Variants in PDE4D observed in about 807,000 individuals in gnomAD.
PDE4D encodes the protein 3',5'-cyclic-AMP phosphodiesterase 4D.
PDE4D carries 24 observed loss-of-function variants against 87.4 expected under a neutral mutation model. That is an observed-to-expected ratio of 0.27 (90% CI 0.20 to 0.39). The LOEUF (loss-of-function observed/expected upper bound fraction) is 0.39. PDE4D is among the 10% of genes least tolerant of loss of function. PDE4D has a pLI of 1.00. For synonymous variants in PDE4D, 384 were observed against 383.2 expected, an observed-to-expected ratio of 1.00 and a Z score of -0.02; for missense variants, 714 against 1,041.0, an observed-to-expected ratio of 0.69 and a Z score of 4.32.
At chr5:59,008,070 CTATTTAGT>C in intron 6 of PDE4D, among the ~76,000 whole-genome samples, 1 of 152,148 alleles carries the variant, frequency 6.6e-6, no homozygotes, top group African/African-American at 2.4e-5. Flanking sequence ...TTTTGTATAA[CTATTTAGT>C]CAATTTACCT....
intron 5 of PDE4D, among the ~76,000 whole-genome samples, chr5:59,055,047 A>G (rs1762138334): frequency 6.6e-6 from 1 of 152,228 alleles, no homozygotes; most frequent in Non-Finnish European, 1.5e-5. Flanking sequence ...TACCAACAGA[A>G]CACATAAAGC....
chr5:59,091,160 G>A, intron 5 of PDE4D: 1 of 451,212 alleles, frequency 2.2e-6, no homozygotes, highest in Non-Finnish European at 4.4e-6. Flanking sequence ...AAATCCAAGT[G>A]TTTTTTATTA....
At chr5:59,225,076 C>T (rs187190691) in intron 1 of PDE4D, among the ~76,000 whole-genome samples, 87 of 152,304 alleles carry the variant, frequency 5.7e-4, no homozygotes, top group African/African-American at 2.0e-3. Context: ...GAAAGCATCT[C>T]AAATTATTGC....
intron 5 of PDE4D, among the ~76,000 whole-genome samples, chr5:59,131,442 C>T (rs1283308308): frequency 6.6e-6 from 1 of 152,126 alleles, no homozygotes; most frequent in East Asian, 1.9e-4. Context: ...CTGTGTTTCG[C>T]ACTGCAAGTC....
intron 1 of PDE4D, among the ~76,000 whole-genome samples, chr5:59,705,872 A>G (rs1205513569): frequency 6.6e-6 from 1 of 152,174 alleles, no homozygotes; most frequent in Non-Finnish European, 1.5e-5. Flanking sequence ...GTGGTGGATT[A>G]TAGCACAATG....
intron 1 of PDE4D, among the ~76,000 whole-genome samples, chr5:60,474,127 TATATATATATATATATATATATAACA>T (rs926496539): frequency 4.1e-5 from 4 of 98,520 alleles, no homozygotes; most frequent in African/African-American, 2.3e-4. Flanking sequence ...TATATATATA[TATATATATATATATATATATATAACA>T]AAAACCTTAG....
chr5:59,154,311 G>A (rs891412062), intron 5 of PDE4D, among the ~76,000 whole-genome samples: 7 of 152,148 alleles, frequency 4.6e-5, no homozygotes, highest in African/African-American at 1.7e-4. Context: ...ATGGCAAAAT[G>A]TCTGTGTGTG....
intron 1 of PDE4D, among the ~76,000 whole-genome samples, chr5:59,525,149 G>A (rs748316710): frequency 2.0e-5 from 3 of 152,172 alleles, no homozygotes; most frequent in South Asian, 2.1e-4. Flanking sequence ...CTTGCACTGC[G>A]CACCTGGAAA....
chr5:60,352,112 T>A (rs1759254474), intron 1 of PDE4D, among the ~76,000 whole-genome samples: 1 of 152,042 alleles, frequency 6.6e-6, no homozygotes. Context: ...GCCTTTTTTA[T>A]CTTTTTAAAC....
intron 1 of PDE4D, among the ~76,000 whole-genome samples, chr5:60,382,595 A>C (rs1211212716): frequency 1.3e-5 from 2 of 152,134 alleles, no homozygotes; most frequent in African/African-American, 4.8e-5. Flanking sequence ...TCCTTTAAAT[A>C]ATGTTGCTGT....
chr5:59,704,678 T>C (rs1237942470), intron 1 of PDE4D, among the ~76,000 whole-genome samples: 2 of 152,206 alleles, frequency 1.3e-5, no homozygotes, highest in African/African-American at 4.8e-5. Flanking sequence ...AAAAACTACT[T>C]TTCCCCTTTT....
At chr5:60,047,573 G>T (rs1234523340) in intron 2 of PDE4D, among the ~76,000 whole-genome samples, 3 of 152,054 alleles carry the variant, frequency 2.0e-5, no homozygotes, top group East Asian at 1.9e-4. Flanking sequence ...CTGTGTCTTT[G>T]TTCTCATTGG....
chr5:60,048,269 G>C (rs560806903), intron 2 of PDE4D, among the ~76,000 whole-genome samples: 10 of 152,296 alleles, frequency 6.6e-5, no homozygotes, highest in Admixed American at 6.5e-4. Context: ...CTCTGCACGT[G>C]AGATGGTTTT....
At chr5:59,629,477 C>T (rs887032805) in intron 1 of PDE4D, among the ~76,000 whole-genome samples, 2 of 151,876 alleles carry the variant, frequency 1.3e-5, no homozygotes, top group Admixed American at 6.6e-5. Flanking sequence ...GACACAGAGA[C>T]ATGTACAGAG....
chr5:59,748,022 G>T (rs1759881225), intron 1 of PDE4D, among the ~76,000 whole-genome samples: 1 of 152,054 alleles, frequency 6.6e-6, no homozygotes, highest in African/African-American at 2.4e-5. Context: ...AAAACTCCAA[G>T]AGTTAACAAT....
At position 60,020,179 on chromosome 5, in the gene PDE4D, A is replaced by G. The variant is rs186888140; in HGVS notation, c.43-31462T>C. Among the ~76,000 whole-genome samples, 12 of 152,256 alleles carry G rather than the reference A, an allele frequency of 7.9e-5. No individual in the cohort carries two copies. The East Asian group carries it at 1.9e-3, about 24-fold the overall frequency. ...TTGGTGGAGCAGTCAGAAAACACAC[A>G]ATCTATCACTTAAGTTCACAATCTT... is the stretch of plus-strand genomic sequence containing the variant. On this transcript the variant is annotated intron_variant, in intron 2 of 16. Coordinates refer to the PDE4D transcript ENST00000502484.
At chr5:59,901,020 A>C (rs1282376473) in intron 3 of PDE4D, among the ~76,000 whole-genome samples, 4 of 152,208 alleles carry the variant, frequency 2.6e-5, no homozygotes, top group Non-Finnish European at 1.5e-5. Context: ...TCATTTTAAA[A>C]AGCTCCCATT....
intron 2 of PDE4D, among the ~76,000 whole-genome samples, chr5:60,049,043 T>G (rs998428673): frequency 7.2e-5 from 11 of 152,208 alleles, no homozygotes; most frequent in African/African-American, 2.7e-4. Context: ...AGTCCCATAT[T>G]TCTTGGAGGG....
At chr5:60,191,728 GGCTCGT>G (rs1462579513) in intron 1 of PDE4D, among the ~76,000 whole-genome samples, 1 of 152,148 alleles carries the variant, frequency 6.6e-6, no homozygotes, top group Non-Finnish European at 1.5e-5. Context: ...CAGGCACAGT[GGCTCGT>G]GCCTGTCATC....
Sources: allele counts gnomAD v4.1 joint callset (sites outside exome capture counted in the v4.1 genomes callset), GRCh38; gene constraint gnomAD v4.1.1; transcripts MANE v1.5; gene names NCBI Gene and HGNC (gene_info 2026-07-23, HGNC 2026-07-21).